TENM4: variants seen among roughly 807,000 people sequenced by gnomAD.
TENM4 encodes the protein teneurin-4.
In TENM4, 82 loss-of-function variants were observed where a neutral mutation model predicts 243.3. That is an observed-to-expected ratio of 0.34 (90% CI 0.28 to 0.40). The LOEUF (loss-of-function observed/expected upper bound fraction) is 0.40. Among genes scored for constraint, TENM4 ranks in the 10% least tolerant of loss-of-function variants. TENM4 has a pLI of 1.00. For missense variants in TENM4, 3,138 were observed against 3,673.3 expected, an observed-to-expected ratio of 0.85 and a Z score of 3.77; for synonymous variants, 1,412 against 1,456.3, an observed-to-expected ratio of 0.97 and a Z score of 0.69.
At chr11:78,752,353 T>G (rs1280280502) in intron 19 of TENM4, among the ~76,000 whole-genome samples, 1 of 152,166 alleles carries the variant, frequency 6.6e-6, no homozygotes, top group African/African-American at 2.4e-5. Context: ...GGTAGGCCAG[T>G]TGGCTCCAAG....
intron 6 of TENM4, among the ~76,000 whole-genome samples, chr11:78,944,202 G>T (rs192613884): frequency 6.6e-6 from 1 of 152,144 alleles, no homozygotes; most frequent in Non-Finnish European, 1.5e-5. Context: ...GACATGTGGT[G>T]ACTCCAGTGA....
intron 18 of TENM4, among the ~76,000 whole-genome samples, chr11:78,758,734 T>C (rs1303358708): frequency 6.6e-6 from 1 of 152,170 alleles, no homozygotes; most frequent in Non-Finnish European, 1.5e-5. Flanking sequence ...CCTTTCTGTT[T>C]CTCTCCCATT....
intron 7 of TENM4, among the ~76,000 whole-genome samples, chr11:78,895,435 T>C (rs186865696): frequency 1.3e-4 from 20 of 152,218 alleles, no homozygotes; most frequent in Admixed American, 5.9e-4. Context: ...ATGAGGAAAC[T>C]GAGGCCCAGA....
chr11:78,991,589 A>G (rs1409467162), intron 6 of TENM4, among the ~76,000 whole-genome samples: 2 of 152,202 alleles, frequency 1.3e-5, no homozygotes, highest in Non-Finnish European at 2.9e-5. Flanking sequence ...GCCCTAGGGC[A>G]CTTGGCTAGT....
At chr11:78,931,735 T>C (rs186978483) in intron 6 of TENM4, among the ~76,000 whole-genome samples, 59 of 152,320 alleles carry the variant, frequency 3.9e-4, no homozygotes, top group African/African-American at 1.3e-3. Context: ...GGTTCTGAAA[T>C]CAGACAGATC....
intron 6 of TENM4, among the ~76,000 whole-genome samples, chr11:78,944,277 CAAAG>C (rs1856966358): frequency 1.3e-5 from 2 of 151,436 alleles, no homozygotes; most frequent in African/African-American, 2.4e-5. Flanking sequence ...AAAAAAAAAA[CAAAG>C]AACCTGATTC....
intron 4 of TENM4, among the ~76,000 whole-genome samples, chr11:79,085,177 C>T (rs562818975): frequency 6.6e-6 from 1 of 151,822 alleles, no homozygotes; most frequent in South Asian, 2.1e-4. Flanking sequence ...TCGAGACCAT[C>T]CTGGCTAACA....
In TENM4 at chr11:78,975,903, G is replaced by A. The variant is rs1391770553; in HGVS notation, c.494-72380C>T. On this transcript the variant is annotated intron_variant, in intron 6 of 33. Coordinates refer to ENST00000278550, the MANE Select transcript of TENM4 (RefSeq NM_001098816.3). ...GTAAATTATCTTAATCAACCCTCAT[G>A]CCCCTTGAAAGTGTGAAGACTTCTC... 3.3e-5 allele frequency among the ~76,000 whole-genome samples: 5 copies of A among 152,018 alleles called. No homozygotes were observed. In the South Asian group the frequency reaches 8.3e-4, roughly 25 times the overall value.
intron 4 of TENM4, among the ~76,000 whole-genome samples, chr11:79,129,313 C>T (rs1259967959): frequency 6.6e-6 from 1 of 152,140 alleles, no homozygotes; most frequent in Non-Finnish European, 1.5e-5. Flanking sequence ...GGGAACTCCA[C>T]AGGGAGAAGG....
At chr11:79,019,185 G>A (rs1297340921) in intron 6 of TENM4, among the ~76,000 whole-genome samples, 1 of 152,240 alleles carries the variant, frequency 6.6e-6, no homozygotes, top group Non-Finnish European at 1.5e-5. Flanking sequence ...ACTGAAGACA[G>A]TTAATTCCTC....
intron 1 of TENM4, among the ~76,000 whole-genome samples, chr11:79,334,054 T>C (rs1857107456): frequency 6.6e-6 from 1 of 152,230 alleles, no homozygotes; most frequent in African/African-American, 2.4e-5. Flanking sequence ...CATCTGTAGT[T>C]CATGAGAACA....
intron 29 of TENM4, among the ~76,000 whole-genome samples, chr11:78,676,956 G>A (rs183747526): frequency 3.8e-4 from 58 of 152,302 alleles, no homozygotes; most frequent in Admixed American, 5.9e-4. Context: ...CTCTAGAGAC[G>A]GTGGTTGCCA....
At position 78,726,161 on chromosome 11, in the gene TENM4, T is replaced by C. The variant is rs761365129; in HGVS notation, c.3468A>G (p.Thr1156=). 1.2e-6 allele frequency: 2 copies of C among 1,614,030 alleles called. No homozygotes were observed. Among genetic ancestry groups the C allele is most frequent in the East Asian group, 2.2e-5 (1 of 44,882 alleles). The stretch of plus-strand genomic sequence containing the variant: ...CGTCAATTTCATAGCCCTGCAGCAC[T>C]GTTGTTCTTTTTTCCCACAGGATTA... ...PDLILWEKRT[T]VLQGYEIDAS... Residue 1156 remains threonine, a synonymous_variant, in exon 23 of 34, where the codon ACA becomes ACG. Coordinates refer to ENST00000278550, the MANE Select transcript of TENM4 (RefSeq NM_001098816.3).
rs542254691 is a variant in TENM4 at position 78,999,227 on chromosome 11, C to A, written c.493+65511G>T. On this transcript the variant is annotated intron_variant, in intron 6 of 33. Coordinates refer to ENST00000278550, the MANE Select transcript of TENM4 (RefSeq NM_001098816.3). ...CAGACATGTTCTAAACAAAGATAAA[C>A]AATGGGCTGGGCGGGGTGGCTCACG... Among the ~76,000 whole-genome samples, 10 of 152,246 alleles carry A rather than the reference C, an allele frequency of 6.6e-5. No individual in the cohort carries two copies. In the East Asian group the frequency reaches 1.7e-3, roughly 26 times the overall value.
chr11:79,428,318 C>T (rs1380115110), intron 1 of TENM4, among the ~76,000 whole-genome samples: 2 of 152,222 alleles, frequency 1.3e-5, no homozygotes, highest in Admixed American at 6.5e-5. Context: ...AGTAGAAGTA[C>T]TTCTCAACCA....
intron 1 of TENM4, among the ~76,000 whole-genome samples, chr11:79,410,418 T>G (rs1858673109): frequency 6.6e-6 from 1 of 152,198 alleles, no homozygotes. Context: ...AGAGACTGGT[T>G]CTACTGCATC....
intron 9 of TENM4, among the ~76,000 whole-genome samples, chr11:78,875,006 C>G (rs1227333235): frequency 1.3e-5 from 2 of 152,192 alleles, no homozygotes; most frequent in African/African-American, 4.8e-5. Context: ...TGGAGAACAG[C>G]AGAATCAGAT....
chr11:78,941,613 G>A (rs910428858), intron 6 of TENM4, among the ~76,000 whole-genome samples: 3 of 152,174 alleles, frequency 2.0e-5, no homozygotes, highest in Admixed American at 6.5e-5. Flanking sequence ...GGGTTGGGGG[G>A]GTGTCCCACA....
chr11:79,035,436 C>T (rs1055589481), intron 6 of TENM4, among the ~76,000 whole-genome samples: 17 of 152,156 alleles, frequency 1.1e-4, no homozygotes, highest in African/African-American at 4.1e-4. Context: ...ACTTATGTCT[C>T]TTCATCCTGC....
Sources: gnomAD v4.1 joint callset for allele counts (sites outside exome capture counted in the v4.1 genomes callset) on GRCh38, gnomAD v4.1.1 for gene constraint, MANE v1.5 for transcripts, NCBI Gene and HGNC (gene_info 2026-07-23, HGNC 2026-07-21) for gene names.